BRINP1: variants seen among roughly 807,000 people sequenced by gnomAD.
The protein encoded by BRINP1 is BMP/retinoic acid-inducible neural-specific protein 1.
A neutral mutation model predicts 72.9 loss-of-function variants in BRINP1; 17 were observed. The observed-to-expected ratio is 0.23, with a 90% CI of 0.16 to 0.35. The LOEUF (loss-of-function observed/expected upper bound fraction) is 0.35, where lower values mean the gene tolerates loss of function less well. Ranked by LOEUF, BRINP1 falls within the 10% of genes least tolerant of loss-of-function variation. The pLI is 1.00. For missense variants in BRINP1, 850 were observed against 1,001.6 expected, an observed-to-expected ratio of 0.85 and a Z score of 2.04; for synonymous variants, 418 against 378.5, an observed-to-expected ratio of 1.10 and a Z score of -1.21.
intron 2 of BRINP1, among the ~76,000 whole-genome samples, chr9:119,263,079 C>G (rs1013446182): frequency 6.6e-6 from 1 of 152,170 alleles, no homozygotes; most frequent in African/African-American, 2.4e-5. Flanking sequence ...CCCTGACTCT[C>G]CCCTCACCAT....
chr9:119,239,152 T>C (rs973390019), intron 4 of BRINP1, among the ~76,000 whole-genome samples: 10 of 152,256 alleles, frequency 6.6e-5, no homozygotes, highest in Admixed American at 6.5e-4. Flanking sequence ...TCTCTAAGTA[T>C]CTGCAAATCA....
At chr9:119,185,968 C>T (rs1588157702) in intron 7 of BRINP1, among the ~76,000 whole-genome samples, 2 of 152,244 alleles carry the variant, frequency 1.3e-5, no homozygotes, top group South Asian at 4.1e-4. Context: ...CATCATTGCA[C>T]TATGATCATA....
intron 2 of BRINP1, among the ~76,000 whole-genome samples, chr9:119,303,631 C>T (rs955030381): frequency 2.6e-5 from 4 of 152,094 alleles, no homozygotes; most frequent in South Asian, 4.1e-4. Flanking sequence ...CTGTCTCTGG[C>T]GCTCTTTCTT....
At chr9:119,291,769 G>A (rs1432533062) in intron 2 of BRINP1, among the ~76,000 whole-genome samples, 2 of 152,182 alleles carry the variant, frequency 1.3e-5, no homozygotes, top group Non-Finnish European at 2.9e-5. Flanking sequence ...TCTCCCAGAA[G>A]TAGGTGGGTG....
Position 119,249,864 on chromosome 9 carries a change from G to A in BRINP1, c.219-714C>T, listed in dbSNP as rs916406746. Among the ~76,000 whole-genome samples the A allele has an allele frequency of 4.1e-3, 217 of 52,472 alleles. 4 individuals are homozygous for A. The highest frequency in any genetic ancestry group is 0.012 in the Middle Eastern group (1 of 82). 34.4% of individuals were successfully genotyped at this position (52,472 alleles called of 152,430 possible). A position where few individuals can be genotyped will look rare whatever the true frequency, so the allele number is the denominator to read the frequency against. ...GAAGGAAGGAAGGAAGGGAGGGAGG[G>A]AGGGAGGGAGGGAAGGGAGGAAGGA... On this transcript the variant is annotated intron_variant, in intron 2 of 7. Transcript: ENST00000265922.
intron 2 of BRINP1, chr9:119,283,116 T>A: frequency 2.0e-6 from 2 of 984,908 alleles, no homozygotes; most frequent in Non-Finnish European, 2.4e-6. Context: ...GGAGCGTGAA[T>A]CTGCGTTCTC....
At chr9:119,273,774 A>G (rs889922335) in intron 2 of BRINP1, among the ~76,000 whole-genome samples, 2 of 152,178 alleles carry the variant, frequency 1.3e-5, no homozygotes, top group African/African-American at 4.8e-5. Flanking sequence ...AACCATTTCA[A>G]CCACAAGGGT....
intron 3 of BRINP1, among the ~76,000 whole-genome samples, chr9:119,248,612 T>C (rs1375565266): frequency 1.3e-5 from 2 of 152,214 alleles, no homozygotes; most frequent in African/African-American, 4.8e-5. Context: ...ACAAAGCATA[T>C]TCCCTAAACA....
chr9:119,306,837 G>A (rs1027814530), intron 2 of BRINP1, among the ~76,000 whole-genome samples: 4 of 152,098 alleles, frequency 2.6e-5, no homozygotes, highest in African/African-American at 9.7e-5. Flanking sequence ...CTGTGGCCAT[G>A]TCAAAAACAT....
At chr9:119,217,764 G>C (rs1288129585) in intron 5 of BRINP1, among the ~76,000 whole-genome samples, 1 of 151,888 alleles carries the variant, frequency 6.6e-6, no homozygotes, top group Non-Finnish European at 1.5e-5. Context: ...TCACATGATG[G>C]GATATCTCTA....
intron 1 of BRINP1, among the ~76,000 whole-genome samples, chr9:119,357,736 G>T (rs79161172): frequency 6.6e-6 from 1 of 152,106 alleles, no homozygotes; most frequent in Non-Finnish European, 1.5e-5. Context: ...ATGAAAGATG[G>T]ATGCCTTTCT....
chr9:119,269,925 T>G (rs1830591317), intron 2 of BRINP1, among the ~76,000 whole-genome samples: 1 of 152,080 alleles, frequency 6.6e-6, no homozygotes, highest in Non-Finnish European at 1.5e-5. Context: ...AATAAATATT[T>G]TAAACAAGTA....
intron 5 of BRINP1, among the ~76,000 whole-genome samples, chr9:119,228,593 C>T (rs1292400606): frequency 1.3e-4 from 20 of 151,822 alleles, no homozygotes; most frequent in Admixed American, 1.3e-3. Flanking sequence ...ATGCAAGATA[C>T]CATTTTAAAT....
At chr9:119,357,970 A>G (rs769815827) in intron 1 of BRINP1, among the ~76,000 whole-genome samples, 3 of 152,140 alleles carry the variant, frequency 2.0e-5, no homozygotes, top group Non-Finnish European at 4.4e-5. Flanking sequence ...CAGAACATAC[A>G]CTTGCTGATA....
chr9:119,217,520 T>A (rs1829990545), intron 5 of BRINP1, among the ~76,000 whole-genome samples: 1 of 152,162 alleles, frequency 6.6e-6, no homozygotes. Flanking sequence ...TTTCTCCCAA[T>A]CTTTTTATAT....
intron 5 of BRINP1, among the ~76,000 whole-genome samples, chr9:119,227,369 T>G (rs1830102156): frequency 6.6e-6 from 1 of 152,090 alleles, no homozygotes; most frequent in South Asian, 2.1e-4. Flanking sequence ...ATTGAGTCTT[T>G]GATTGATATC....
chr9:119,174,331 G>C (rs1829455912), intron 7 of BRINP1, among the ~76,000 whole-genome samples: 1 of 150,804 alleles, frequency 6.6e-6, no homozygotes, highest in Non-Finnish European at 1.5e-5. Flanking sequence ...CTTCTCAAAA[G>C]AAGACATTTA....
At chr9:119,199,465 T>C (rs1326768163) in intron 7 of BRINP1, among the ~76,000 whole-genome samples, 1 of 152,164 alleles carries the variant, frequency 6.6e-6, no homozygotes, top group East Asian at 1.9e-4. Context: ...GAGCCTGAAG[T>C]TGATGCCCCC....
At chr9:119,197,224 G>T (rs1182438910) in intron 7 of BRINP1, among the ~76,000 whole-genome samples, 1 of 152,138 alleles carries the variant, frequency 6.6e-6, no homozygotes, top group Non-Finnish European at 1.5e-5. Context: ...AAGAAATCAG[G>T]GATGAATCTG....
Sources: allele counts gnomAD v4.1 joint callset (sites outside exome capture counted in the v4.1 genomes callset), GRCh38; gene constraint gnomAD v4.1.1; transcripts MANE v1.5; gene names NCBI Gene and HGNC (gene_info 2026-07-23, HGNC 2026-07-21).